ACSF3: variants seen among roughly 807,000 people sequenced by gnomAD.
ACSF3 encodes malonate--CoA ligase ACSF3, mitochondrial.
Under a neutral mutation model 53.2 loss-of-function variants are expected in ACSF3, and 78 were observed. The observed-to-expected ratio is 1.47, with a 90% CI of 1.22 to 1.77. The LOEUF is 1.77. Ranked by LOEUF, ACSF3 falls within the 40% of genes most tolerant of loss-of-function variation. The pLI is 0.00. For missense variants in ACSF3, 937 were observed against 771.1 expected (o/e 1.22, Z -2.55); for synonymous variants, 414 against 333.1 (o/e 1.24, Z -2.65).
Position 89,102,837 on chromosome 16 carries a change from C to T in ACSF3, c.822+78C>T, listed in dbSNP as rs113957824. ...CTGTCGGGGCCAGGGCTCTCAGCCG[C>T]GCCCTCAGCCTAAGCGCCTTTCGCT... On this transcript the variant is annotated intron_variant, in intron 4 of 10. Transcript: ENST00000614302. 256 of 1,572,468 alleles carry T rather than the reference C, an allele frequency of 1.6e-4. 4 individuals carry two copies. In the African/African-American group the frequency reaches 1.6e-3, roughly 10 times the overall value.
chr16:89,106,789 C>G (rs557636964), intron 4 of ACSF3, among the ~76,000 whole-genome samples: 9 of 152,336 alleles, frequency 5.9e-5, no homozygotes, highest in Admixed American at 1.3e-4. Context: ...GGTGACCAGA[C>G]ACCTGCGGTG....
rs1459178867 is a variant in ACSF3 at position 89,155,682 on chromosome 16, G to A, written c.*1475G>A. 2.2e-6 allele frequency: 1 copy of A among 454,138 alleles called. No individual in the cohort carries two copies. 28.1% of individuals were successfully genotyped at this position (454,138 alleles called of 1,614,324 possible). On this transcript the variant is annotated 3_prime_UTR_variant, in exon 11 of 11. Coordinates refer to ENST00000614302, the MANE Select transcript of ACSF3 (RefSeq NM_001243279.3). ...CTACAGTCCAGACGTTTGTGTCTAG[G>A]CCTTGCTGGTAGCTAAGGAAATGCC...
chr16:89,117,952 TA>T (rs1567708262), intron 6 of ACSF3, among the ~76,000 whole-genome samples: 9 of 27,982 alleles, frequency 3.2e-4, no homozygotes, highest in African/African-American at 8.3e-4. Flanking sequence ...GAGCCCACAG[TA>T]GGTTCCCTCA....
intron 6 of ACSF3, among the ~76,000 whole-genome samples, chr16:89,115,484 C>T (rs534415131): frequency 1.0e-3 from 156 of 152,336 alleles, no homozygotes; most frequent in Middle Eastern, 6.8e-3. Flanking sequence ...GTGCTGTGTG[C>T]GTCAGAGCCC....
intron 7 of ACSF3, among the ~76,000 whole-genome samples, chr16:89,126,178 T>C (rs1908054301): frequency 6.6e-6 from 1 of 152,248 alleles, no homozygotes; most frequent in East Asian, 1.9e-4. Context: ...TATAAGTAAA[T>C]GTTTCTTCTT....
intron 6 of ACSF3, among the ~76,000 whole-genome samples, chr16:89,116,502 G>A (rs1401243380): frequency 1.3e-5 from 2 of 152,330 alleles, no homozygotes; most frequent in Non-Finnish European, 2.9e-5. Context: ...GGCCTGGGGA[G>A]CCATGGGGGC....
chr16:89,102,826 G>T (rs1975516688), intron 4 of ACSF3, 67 bp downstream of exon 4: 5 of 1,586,032 alleles, frequency 3.2e-6, no homozygotes, highest in South Asian at 1.1e-5. Flanking sequence ...CGGGGCCAGG[G>T]CTCTCAGCCG....
At chr16:89,137,208 A>G (rs1294717739) in intron 8 of ACSF3, among the ~76,000 whole-genome samples, 3 of 151,788 alleles carry the variant, frequency 2.0e-5, no homozygotes, top group Admixed American at 6.6e-5. Context: ...TGATAACCGA[A>G]CTCCTTAGAG....
At chr16:89,102,542 G>C in intron 3 of ACSF3, 62 bp from the exon 4 acceptor site, 1 of 1,596,138 alleles carries the variant, frequency 6.3e-7, no homozygotes, top group Non-Finnish European at 8.6e-7. Flanking sequence ...CCCGAGGTCT[G>C]TGTGTGCTGT....
intron 1 of ACSF3, among the ~76,000 whole-genome samples, chr16:89,097,130 C>T (rs779761259): frequency 6.6e-6 from 1 of 152,338 alleles, no homozygotes; most frequent in South Asian, 2.1e-4. Flanking sequence ...GGGGGCTGTG[C>T]TCTGGTAGTG....
At chr16:89,136,951 C>G (rs950920183) in intron 8 of ACSF3, 8 of 1,108,256 alleles carry the variant, frequency 7.2e-6, no homozygotes, top group Non-Finnish European at 9.3e-6. Context: ...ACTCCTCTGA[C>G]GGCCACAATG....
chr16:89,146,467 T>G (rs1364785467), intron 10 of ACSF3, among the ~76,000 whole-genome samples: 1 of 152,166 alleles, frequency 6.6e-6, no homozygotes, highest in Admixed American at 6.5e-5. Flanking sequence ...CCTGTCCACC[T>G]GCCGCCCCAA....
chr16:89,114,335 G>A lies in ACSF3; in HGVS notation c.978-4G>A, dbSNP rs370451473. The A allele has an allele frequency of 2.3e-5, 37 of 1,613,976 alleles. No individual in the cohort carries two copies. The highest frequency in any genetic ancestry group is 1.3e-4 in the South Asian group (12 of 91,084). On this transcript the variant is annotated splice_region_variant and splice_polypyrimidine_tract_variant and intron_variant, in intron 5 of 10. Transcript: ENST00000614302. ...CTAAACCTGCCTTTGGTTGTGCCGCGTAGGCTGATGGTCTCAGGCTCAGCT... is the reference window on the plus strand; with the variant it reads ...CTAAACCTGCCTTTGGTTGTGCCGCATAGGCTGATGGTCTCAGGCTCAGCT...
intron 7 of ACSF3, among the ~76,000 whole-genome samples, chr16:89,127,306 A>T (rs942387005): frequency 2.0e-5 from 3 of 151,736 alleles, no homozygotes; most frequent in Non-Finnish European, 4.4e-5. Context: ...TTCTTCTTTC[A>T]ATGATTGGTG....
At chr16:89,120,952 T>A in intron 7 of ACSF3, 39 bp downstream of exon 7, 1 of 1,584,950 alleles carries the variant, frequency 6.3e-7, no homozygotes. Context: ...CGGCCGTGTG[T>A]CCAGTCTAGG....
At chr16:89,112,023 G>A (rs550942794) in intron 4 of ACSF3, 69 bp from the exon 5 acceptor site, 10 of 154,654 alleles carry the variant, frequency 6.5e-5, no homozygotes, top group Non-Finnish European at 8.8e-5. Context: ...TGTGCCTGGA[G>A]CCAGGAGCCT....
At chr16:89,145,827 G>A (rs991035086) in intron 9 of ACSF3, 111 bp from the exon 10 acceptor site, 23 of 946,698 alleles carry the variant, frequency 2.4e-5, no homozygotes, top group African/African-American at 9.7e-5. Flanking sequence ...GTCCAAGGAC[G>A]GGCTCCAGGG....
At position 89,095,904 on chromosome 16, in the gene ACSF3, C is replaced by A. The variant is rs113629549; in HGVS notation, c.-194+1908C>A. Among the ~76,000 whole-genome samples, 350 of 152,294 alleles carry A rather than the reference C, an allele frequency of 2.3e-3. 3 individuals are homozygous for A. Among genetic ancestry groups the A allele is most frequent in the African/African-American group, 8.1e-3 (338 of 41,564 alleles). On this transcript the variant is annotated intron_variant, in intron 1 of 10. Transcript: ENST00000614302. ...GGACAAAGGCAGCAGCCGTTCAAGT[C>A]GAAGCCTGTGGTGACTAACTCTGCC... is the stretch of plus-strand genomic sequence containing the variant.
At chr16:89,141,963 T>A (rs1353833687) in intron 8 of ACSF3, among the ~76,000 whole-genome samples, 3 of 152,154 alleles carry the variant, frequency 2.0e-5, no homozygotes, top group Admixed American at 1.3e-4. Context: ...CTGATTGGCT[T>A]CGCCCAGTGC....
Sources: allele counts gnomAD v4.1 joint callset (sites outside exome capture counted in the v4.1 genomes callset), GRCh38; gene constraint gnomAD v4.1.1; transcripts MANE v1.5; gene names NCBI Gene and HGNC (gene_info 2026-07-23, HGNC 2026-07-21).